Variants in NEK10 observed in about 807,000 individuals in gnomAD.
NEK10 encodes the protein NIMA related kinase 10, also known as serine/threonine-protein kinase Nek10.
In NEK10, 122 loss-of-function variants were observed where a neutral mutation model predicts 159.8. The observed-to-expected ratio is 0.76, with a 90% CI of 0.66 to 0.89. The LOEUF (loss-of-function observed/expected upper bound fraction) is 0.89. Ranked by LOEUF, NEK10 falls within the 40% of genes least tolerant of loss-of-function variation. The pLI is 0.00. For synonymous variants in NEK10, 466 were observed against 457.1 expected (o/e 1.02, Z -0.25); for missense variants, 1,342 against 1,323.1 (o/e 1.01, Z -0.22).
At chr3:27,127,584 A>G (rs916126794) in intron 32 of NEK10, among the ~76,000 whole-genome samples, 4 of 152,178 alleles carry the variant, frequency 2.6e-5, no homozygotes, top group Admixed American at 6.5e-5. Context: ...ACATATTTGA[A>G]TACAGAAAAG....
At chr3:27,164,135 C>T (rs74638328) in intron 29 of NEK10, among the ~76,000 whole-genome samples, 1 of 152,224 alleles carries the variant, frequency 6.6e-6, no homozygotes, top group Non-Finnish European at 1.5e-5. Flanking sequence ...AACCTGCCAG[C>T]CTTTAACAGT....
intron 26 of NEK10, among the ~76,000 whole-genome samples, chr3:27,188,759 T>C (rs1948851496): frequency 6.6e-6 from 1 of 152,218 alleles, no homozygotes; most frequent in Non-Finnish European, 1.5e-5. Flanking sequence ...CTCTATAAAA[T>C]CCCAATAATT....
intron 13 of NEK10, among the ~76,000 whole-genome samples, chr3:27,297,990 T>G (rs2043489585): frequency 6.6e-6 from 1 of 152,232 alleles, no homozygotes; most frequent in African/African-American, 2.4e-5. Flanking sequence ...ATACCATGAT[T>G]ATCATCACCA....
At chr3:27,250,395 T>G (rs548286028) in intron 23 of NEK10, among the ~76,000 whole-genome samples, 166 of 152,092 alleles carry the variant, frequency 1.1e-3, no homozygotes, top group Non-Finnish European at 1.6e-3. Context: ...ACTGTGTTAG[T>G]CAGGATGGTC....
chr3:27,213,029 C>T (rs1229295052), intron 23 of NEK10, among the ~76,000 whole-genome samples: 2 of 152,172 alleles, frequency 1.3e-5, no homozygotes, highest in African/African-American at 4.8e-5. Context: ...TTACTTCATC[C>T]TCTTCATTTA....
chr3:27,300,419 T>C (rs2043719976), intron 13 of NEK10, among the ~76,000 whole-genome samples: 1 of 152,152 alleles, frequency 6.6e-6, no homozygotes, highest in African/African-American at 2.4e-5. Context: ...TGTAAGTCCA[T>C]TAAACCTCTT....
chr3:27,350,765 G>A (rs995245956), intron 3 of NEK10, among the ~76,000 whole-genome samples: 19 of 152,016 alleles, frequency 1.2e-4, no homozygotes, highest in African/African-American at 4.3e-4. Context: ...TCAAGCAAGC[G>A]GTGTTGAAAG....
At chr3:27,335,568 TCTC>T (rs1174699795) in intron 5 of NEK10, among the ~76,000 whole-genome samples, 1 of 152,136 alleles carries the variant, frequency 6.6e-6, no homozygotes, top group Non-Finnish European at 1.5e-5. Flanking sequence ...ATACAGTTCT[TCTC>T]CTCAGTACAT....
chr3:27,248,992 C>A (rs1219959635), intron 23 of NEK10, among the ~76,000 whole-genome samples: 1 of 152,070 alleles, frequency 6.6e-6, no homozygotes, highest in African/African-American at 2.4e-5. Context: ...TTGGCTACAC[C>A]CCACCCAAAA....
intron 23 of NEK10, among the ~76,000 whole-genome samples, chr3:27,227,356 G>A (rs980144617): frequency 3.9e-5 from 6 of 152,188 alleles, no homozygotes; most frequent in African/African-American, 9.7e-5. Context: ...ATGGAAGCAG[G>A]AGCTTGTGGA....
At chr3:27,139,429 A>C (rs1943556716) in intron 31 of NEK10, among the ~76,000 whole-genome samples, 1 of 152,190 alleles carries the variant, frequency 6.6e-6, no homozygotes, top group African/African-American at 2.4e-5. Flanking sequence ...GTCCTATTTC[A>C]ATATGATCCA....
chr3:27,256,873 A>G (rs1039475365), intron 22 of NEK10, among the ~76,000 whole-genome samples: 1 of 151,036 alleles, frequency 6.6e-6, no homozygotes, highest in Admixed American at 6.6e-5. Flanking sequence ...ACAATCTTGT[A>G]CTTTTCAAAA....
chr3:27,319,844 G>A (rs1340602409), intron 6 of NEK10, among the ~76,000 whole-genome samples: 2 of 152,178 alleles, frequency 1.3e-5, no homozygotes, highest in Non-Finnish European at 1.5e-5. Context: ...GATATAATTT[G>A]ATGAGAATAA....
intron 26 of NEK10, among the ~76,000 whole-genome samples, chr3:27,182,384 CA>C (rs1411879868): frequency 6.6e-6 from 1 of 151,752 alleles, no homozygotes; most frequent in Non-Finnish European, 1.5e-5. Context: ...TTAAAAGCTA[CA>C]AAAATCAAAA....
chr3:27,335,891 A>T (rs1305968260), intron 5 of NEK10, among the ~76,000 whole-genome samples: 2 of 152,330 alleles, frequency 1.3e-5, no homozygotes, highest in East Asian at 3.9e-4. Flanking sequence ...TATAGCAATA[A>T]AATGCTTACA....
intron 23 of NEK10, among the ~76,000 whole-genome samples, chr3:27,238,746 CGTGTGTGTGTGTGTGTGTGTGT>C (rs59740177): frequency 3.3e-4 from 45 of 138,138 alleles, no homozygotes; most frequent in African/African-American, 1.1e-3. Context: ...CCTCCCCTTT[CGTGTGTGTGTGTGTGTGTGTGT>C]GTGTGTGTGT....
At chr3:27,115,877 T>G (rs895271784) in intron 35 of NEK10, 63 bp downstream of exon 35, 3 of 1,163,006 alleles carry the variant, frequency 2.6e-6, no homozygotes, top group Non-Finnish European at 3.8e-6. Flanking sequence ...ATAAAGAAAT[T>G]AGATCTAACA....
intron 23 of NEK10, among the ~76,000 whole-genome samples, chr3:27,226,253 G>A (rs1575345024): frequency 6.6e-6 from 1 of 151,060 alleles, no homozygotes; most frequent in South Asian, 2.1e-4. Flanking sequence ...CACCGTGTTA[G>A]CCAGGATGGT....
chr3:27,257,193 C>T (rs11718155), intron 22 of NEK10, among the ~76,000 whole-genome samples: 39,109 of 152,090 alleles, frequency 0.26, 5,193 homozygotes, highest in Middle Eastern at 0.37. Context: ...GGATTACAGG[C>T]GTGAGCCACC....
Sources: gnomAD v4.1 joint callset for allele counts (sites outside exome capture counted in the v4.1 genomes callset) on GRCh38, gnomAD v4.1.1 for gene constraint, MANE v1.5 for transcripts, NCBI Gene and HGNC (gene_info 2026-07-23, HGNC 2026-07-21) for gene names.